The following PDE4B variants were observed in gnomAD, a reference collection of about 807,000 sequenced individuals.
PDE4B encodes phosphodiesterase 4B.
PDE4B carries 20 observed loss-of-function variants against 82.2 expected under a neutral mutation model. That is an observed-to-expected ratio of 0.24 (90% CI 0.17 to 0.35). PDE4B has a LOEUF of 0.35. Ranked by LOEUF, PDE4B falls within the 10% of genes least tolerant of loss-of-function variation. The pLI is 1.00. For synonymous variants in PDE4B, 320 were observed against 318.9 expected, an observed-to-expected ratio of 1.00 and a Z score of -0.04; for missense variants, 655 against 907.2, an observed-to-expected ratio of 0.72 and a Z score of 3.57.
chr1:66,053,576 G>T (rs1323145908), intron 3 of PDE4B, among the ~76,000 whole-genome samples: 1 of 152,166 alleles, frequency 6.6e-6, no homozygotes, highest in Non-Finnish European at 1.5e-5. Context: ...TAGGAATGGG[G>T]GCTGGGCGCA....
At chr1:65,856,150 G>T (rs1370912529) in intron 1 of PDE4B, among the ~76,000 whole-genome samples, 2 of 152,110 alleles carry the variant, frequency 1.3e-5, no homozygotes, top group Non-Finnish European at 2.9e-5. Context: ...ATAATTGAAA[G>T]ATTTACTGGT....
chr1:65,901,111 A>G (rs938237315), intron 1 of PDE4B, among the ~76,000 whole-genome samples: 3 of 151,766 alleles, frequency 2.0e-5, no homozygotes, highest in Non-Finnish European at 4.4e-5. Context: ...GGCTCTTATT[A>G]TTTTGAGGGT....
chr1:66,216,998 G>A (rs76772786), intron 3 of PDE4B, among the ~76,000 whole-genome samples: 3,914 of 152,126 alleles, frequency 0.026, 70 homozygotes, highest in Middle Eastern at 0.095. Flanking sequence ...ATAAAGCCTC[G>A]AACTTAAATT....
At chr1:65,901,317 T>C (rs547146627) in intron 1 of PDE4B, among the ~76,000 whole-genome samples, 1 of 152,304 alleles carries the variant, frequency 6.6e-6, no homozygotes, top group East Asian at 1.9e-4. Flanking sequence ...TGGATCATGA[T>C]GAATTAACTT....
chr1:66,001,042 G>T (rs1332223967), intron 3 of PDE4B, among the ~76,000 whole-genome samples: 3 of 152,240 alleles, frequency 2.0e-5, no homozygotes, highest in African/African-American at 7.2e-5. Context: ...CAGTTTAAGA[G>T]TTAAATGAGT....
intron 1 of PDE4B, among the ~76,000 whole-genome samples, chr1:65,815,806 C>T (rs376184565): frequency 9.2e-5 from 14 of 152,186 alleles, no homozygotes; most frequent in African/African-American, 3.4e-4. Context: ...GAATATTGGA[C>T]AAAGTATATA....
chr1:65,965,555 C>T (rs2100608755), intron 3 of PDE4B, among the ~76,000 whole-genome samples: 1 of 151,670 alleles, frequency 6.6e-6, no homozygotes, highest in South Asian at 2.1e-4. Context: ...CCCTTATTTC[C>T]CAGAAATCCA....
At chr1:66,326,980 C>G (rs1231261213) in intron 7 of PDE4B, among the ~76,000 whole-genome samples, 1 of 152,184 alleles carries the variant, frequency 6.6e-6, no homozygotes, top group Non-Finnish European at 1.5e-5. Context: ...CTTCCCTGCA[C>G]AGATTGCAGG....
At chr1:65,835,928 T>A (rs1369689520) in intron 1 of PDE4B, among the ~76,000 whole-genome samples, 1 of 151,804 alleles carries the variant, frequency 6.6e-6, no homozygotes, top group African/African-American at 2.4e-5. Flanking sequence ...CTTTTTTTTT[T>A]ATTTATATAT....
chr1:66,108,330 C>T (rs1343694610), intron 3 of PDE4B, among the ~76,000 whole-genome samples: 1 of 151,832 alleles, frequency 6.6e-6, no homozygotes, highest in Admixed American at 6.6e-5. Context: ...AAACATAAGA[C>T]CTGAGACTGT....
intron 1 of PDE4B, among the ~76,000 whole-genome samples, chr1:65,824,353 TA>T (rs914702513): frequency 2.8e-4 from 42 of 152,086 alleles, no homozygotes; most frequent in African/African-American, 9.9e-4. Flanking sequence ...ATAGATACAT[TA>T]AAAAAATTCT....
At chr1:66,122,418 C>T (rs1305697588) in intron 3 of PDE4B, among the ~76,000 whole-genome samples, 4 of 151,342 alleles carry the variant, frequency 2.6e-5, no homozygotes, top group African/African-American at 9.7e-5. Context: ...AATTTTAGAC[C>T]CAAGAGATAT....
chr1:66,010,998 T>C (rs995066428), intron 3 of PDE4B, among the ~76,000 whole-genome samples: 1 of 151,574 alleles, frequency 6.6e-6, no homozygotes, highest in South Asian at 2.1e-4. Context: ...AAGTAACCTA[T>C]GAAAGTAAAG....
intron 3 of PDE4B, among the ~76,000 whole-genome samples, chr1:66,104,150 C>T (rs923451962): frequency 6.8e-6 from 1 of 146,410 alleles, no homozygotes; most frequent in Non-Finnish European, 1.5e-5. Context: ...CATGCGTTCT[C>T]GTTGTTCAAT....
chr1:65,849,877 C>T (rs1360179807), intron 1 of PDE4B, among the ~76,000 whole-genome samples: 2 of 152,130 alleles, frequency 1.3e-5, no homozygotes, highest in Non-Finnish European at 2.9e-5. Context: ...TCGATTATTA[C>T]AGCCAGTTAT....
intron 3 of PDE4B, among the ~76,000 whole-genome samples, chr1:65,937,056 CTT>C (rs1442918887): frequency 6.6e-6 from 1 of 152,146 alleles, no homozygotes; most frequent in Non-Finnish European, 1.5e-5. Context: ...ATGGTGGACT[CTT>C]TCATAAGAAA....
intron 3 of PDE4B, among the ~76,000 whole-genome samples, chr1:66,116,647 T>C (rs1645600606): frequency 6.6e-6 from 1 of 152,156 alleles, no homozygotes; most frequent in Non-Finnish European, 1.5e-5. Context: ...CACTGCAGCC[T>C]CAACCTTCTT....
intron 8 of PDE4B, among the ~76,000 whole-genome samples, chr1:66,344,121 T>G (rs993609323): frequency 5.9e-4 from 90 of 152,232 alleles, no homozygotes; most frequent in African/African-American, 2.2e-3. Context: ...TGTCTGCTGT[T>G]ATTGCTATTG....
At chr1:65,992,863 A>G in intron 3 of PDE4B, 3 of 1,597,060 alleles carry the variant, frequency 1.9e-6, no homozygotes, top group Non-Finnish European at 2.6e-6. Flanking sequence ...GCTATGTTTG[A>G]GATTTTTGTT....
Sources: gnomAD v4.1 joint callset for allele counts (sites outside exome capture counted in the v4.1 genomes callset) on GRCh38, gnomAD v4.1.1 for gene constraint, MANE v1.5 for transcripts, NCBI Gene and HGNC (gene_info 2026-07-23, HGNC 2026-07-21) for gene names.